Variants in ATP11A observed in about 807,000 individuals in gnomAD.
ATP11A encodes the protein ATPase phospholipid transporting 11A.
In ATP11A, 81 loss-of-function variants were observed where a neutral mutation model predicts 154.4. The observed-to-expected ratio is 0.52, with a 90% confidence interval of 0.44 to 0.63. The LOEUF (loss-of-function observed/expected upper bound fraction) is 0.63, where lower values mean the gene tolerates loss of function less well. Ranked by LOEUF, ATP11A falls within the 30% of genes least tolerant of loss-of-function variation. The pLI is 0.00. For synonymous variants in ATP11A, 623 were observed against 585.9 expected (o/e 1.06, Z -0.91); for missense variants, 1,316 against 1,474.3 (o/e 0.89, Z 1.76).
intron 1 of ATP11A, among the ~76,000 whole-genome samples, chr13:112,770,268 G>T (rs557104532): frequency 6.6e-6 from 1 of 152,184 alleles, no homozygotes; most frequent in Non-Finnish European, 1.5e-5. Flanking sequence ...TTCCCAGGTC[G>T]ACTGTGTTTC....
chr13:112,702,067 C>T (rs548259571), intron 1 of ATP11A, among the ~76,000 whole-genome samples: 3 of 152,008 alleles, frequency 2.0e-5, no homozygotes, highest in African/African-American at 7.2e-5. Flanking sequence ...TAAGTACAGC[C>T]TGGTGCGATG....
intron 2 of ATP11A, among the ~76,000 whole-genome samples, chr13:112,787,598 T>C: frequency 1.0e-5 from 1 of 97,902 alleles, no homozygotes; most frequent in African/African-American, 5.6e-5. Flanking sequence ...GGTGTCCTGA[T>C]GCGTAGACCC....
intron 1 of ATP11A, among the ~76,000 whole-genome samples, chr13:112,724,358 C>G (rs1889578837): frequency 6.6e-6 from 1 of 151,766 alleles, no homozygotes; most frequent in Non-Finnish European, 1.5e-5. Flanking sequence ...GGCCCTGTGA[C>G]TCAGGGTTGA....
chr13:112,729,117 C>T (rs547754920), intron 1 of ATP11A, among the ~76,000 whole-genome samples: 15 of 152,332 alleles, frequency 9.8e-5, no homozygotes, highest in Non-Finnish European at 7.4e-5. Flanking sequence ...GTGACAAAAT[C>T]GGTGAACCTG....
chr13:112,846,013 C>T (rs556526557), intron 17 of ATP11A, among the ~76,000 whole-genome samples: 2 of 152,274 alleles, frequency 1.3e-5, no homozygotes, highest in Non-Finnish European at 2.9e-5. Flanking sequence ...GCCTGCTGTG[C>T]GTGTCTGGGG....
intron 4 of ATP11A, among the ~76,000 whole-genome samples, chr13:112,808,277 G>A (rs1281821872): frequency 6.6e-6 from 1 of 152,028 alleles, no homozygotes; most frequent in East Asian, 1.9e-4. Context: ...GTGGGCGGGC[G>A]TTTTGGGGAT....
At chr13:112,770,376 C>T (rs2077197052) in intron 1 of ATP11A, among the ~76,000 whole-genome samples, 1 of 152,134 alleles carries the variant, frequency 6.6e-6, no homozygotes, top group East Asian at 1.9e-4. Context: ...CACTGAGAGC[C>T]TTGAAAATAC....
intron 2 of ATP11A, among the ~76,000 whole-genome samples, chr13:112,801,537 A>G (rs2078131663): frequency 1.3e-5 from 2 of 152,280 alleles, no homozygotes; most frequent in Admixed American, 6.5e-5. Context: ...GTCCATGCAG[A>G]AAATCCCAAA....
chr13:112,737,475 G>T (rs1891114395), intron 1 of ATP11A, among the ~76,000 whole-genome samples: 1 of 152,216 alleles, frequency 6.6e-6, no homozygotes, highest in Non-Finnish European at 1.5e-5. Flanking sequence ...TTCCAGGGAC[G>T]GTTTGGCAAG....
intron 2 of ATP11A, among the ~76,000 whole-genome samples, chr13:112,788,549 C>T (rs1037122729): frequency 2.0e-5 from 3 of 151,352 alleles, no homozygotes; most frequent in Non-Finnish European, 2.9e-5. Flanking sequence ...TGCGTAGACT[C>T]CTGTGGAGAC....
Position 112,859,364 on chromosome 13 carries a change from C to T in ATP11A, c.2668-29C>T, listed in dbSNP as rs528137744. The T allele has an allele frequency of 1.2e-5, 19 of 1,608,060 alleles. No homozygotes were observed. The highest frequency in any genetic ancestry group is 2.2e-5 in the East Asian group (1 of 44,836). ...CGGCTGCCTCCCTCTGTCCCGTCAC[C>T]GAACTAACAGTTATGCCTTGCCTTT... On this transcript the variant is annotated intron_variant, in intron 22 of 29. Transcript: ENST00000375645. The surrounding 1 kb of genome is among the most constrained non-coding windows in gnomAD (Gnocchi z 4.3).
chr13:112,787,054 T>C (rs74757065), intron 2 of ATP11A, among the ~76,000 whole-genome samples: 1,255 of 47,932 alleles, frequency 0.026, 63 homozygotes, highest in African/African-American at 0.11. Flanking sequence ...CCTACTTAAT[T>C]CACACCGGGT....
At chr13:112,770,911 C>T (rs2077210687) in intron 1 of ATP11A, among the ~76,000 whole-genome samples, 1 of 152,214 alleles carries the variant, frequency 6.6e-6, no homozygotes. Flanking sequence ...GGCTGTGTCA[C>T]TGGATACCTG....
intron 1 of ATP11A, among the ~76,000 whole-genome samples, chr13:112,709,216 A>C (rs1887480206): frequency 6.6e-6 from 1 of 152,202 alleles, no homozygotes; most frequent in Non-Finnish European, 1.5e-5. Context: ...CATGCCCTAC[A>C]AATCATAAAT....
At chr13:112,735,636 G>A (rs1890919171) in intron 1 of ATP11A, among the ~76,000 whole-genome samples, 1 of 152,146 alleles carries the variant, frequency 6.6e-6, no homozygotes. Context: ...ATTGTGTAGA[G>A]GAAACCTTCA....
chr13:112,842,331 AG>A lies in ATP11A; in HGVS notation c.1762del (p.Glu588LysfsTer29), dbSNP rs745827186. ...ATTCTTCGATATTCCCCCGAGTGAT[AG>A]AAGGCAAAGTTGACCAGATCCGAGC... ...ADSSIFPRVI[E>X]GKVDQIRARV... On this transcript the variant is annotated frameshift_variant, in exon 17 of 30. Transcript: ENST00000375645. LOFTEE classifies it high-confidence loss of function. 29 of 1,612,028 alleles carry A rather than the reference AG, an allele frequency of 1.8e-5. No individual in the cohort carries two copies. The highest frequency in any genetic ancestry group is 2.4e-5 in the Non-Finnish European group (28 of 1,179,094).
chr13:112,708,056 A>G (rs1283398546), intron 1 of ATP11A, among the ~76,000 whole-genome samples: 1 of 152,162 alleles, frequency 6.6e-6, no homozygotes, highest in East Asian at 1.9e-4. Context: ...CACGCAACCA[A>G]CACTTCAAAA....
chr13:112,772,818 C>T (rs947838380), intron 1 of ATP11A, among the ~76,000 whole-genome samples: 14 of 152,268 alleles, frequency 9.2e-5, no homozygotes, highest in African/African-American at 2.7e-4. Flanking sequence ...GGGTGCTCTG[C>T]GTCCTCTCCT....
chr13:112,765,044 G>A (rs1018288095), intron 1 of ATP11A, among the ~76,000 whole-genome samples: 19 of 152,136 alleles, frequency 1.2e-4, no homozygotes, highest in South Asian at 4.1e-4. Flanking sequence ...TCCTTTGAAC[G>A]GCACCTGCTC....
Sources: allele counts gnomAD v4.1 joint callset (sites outside exome capture counted in the v4.1 genomes callset), GRCh38; gene constraint gnomAD v4.1.1; non-coding constraint Gnocchi (gnomAD v3.1); transcripts MANE v1.5; gene names NCBI Gene and HGNC (gene_info 2026-07-23, HGNC 2026-07-21).